Variants in ADGRV1 observed in about 807,000 individuals in gnomAD.
ADGRV1 encodes the protein G-protein coupled receptor 98.
Under a neutral mutation model 596.2 loss-of-function variants are expected in ADGRV1, and 359 were observed. The observed-to-expected ratio is 0.60, with a 90% CI of 0.55 to 0.66. The LOEUF is 0.66. Ranked by LOEUF, ADGRV1 falls within the 30% of genes least tolerant of loss-of-function variation. ADGRV1 has a pLI of 0.00. For missense variants in ADGRV1, 7,274 were observed against 7,575.6 expected (o/e 0.96, Z 1.48); for synonymous variants, 2,681 against 2,679.2 (o/e 1.00, Z -0.02).
chr5:91,014,175 CCCCT>C (rs1434844984), intron 85 of ADGRV1, among the ~76,000 whole-genome samples: 24 of 143,528 alleles, frequency 1.7e-4, no homozygotes, highest in Admixed American at 3.5e-4. Flanking sequence ...CACACACACA[CCCCT>C]AGACATACAG....
intron 78 of ADGRV1, among the ~76,000 whole-genome samples, chr5:90,848,392 T>A (rs1036647568): frequency 6.6e-6 from 1 of 152,142 alleles, no homozygotes; most frequent in Non-Finnish European, 1.5e-5. Context: ...CTTTATCTAA[T>A]GATTAAGTAG....
chr5:91,030,896 T>G, intron 85 of ADGRV1: 1 of 541,192 alleles, frequency 1.8e-6, no homozygotes, highest in Non-Finnish European at 3.1e-6. Context: ...CACAATTTCC[T>G]GAGATCTGTG....
At chr5:91,013,580 T>A (rs1285702820) in intron 85 of ADGRV1, among the ~76,000 whole-genome samples, 1 of 152,152 alleles carries the variant, frequency 6.6e-6, no homozygotes, top group African/African-American at 2.4e-5. Flanking sequence ...TCTTGTAAAT[T>A]TAAGTTCCTC....
At chr5:90,939,846 C>T (rs188765554) in intron 83 of ADGRV1, among the ~76,000 whole-genome samples, 1 of 152,114 alleles carries the variant, frequency 6.6e-6, no homozygotes, top group East Asian at 1.9e-4. Flanking sequence ...TTCTCTGTGG[C>T]CTCATGTGGA....
chr5:90,724,457 G>C lies in ADGRV1; in HGVS notation c.9749-375G>C, dbSNP rs919996826. ...TTGGCCAGGCTGGTCTCAAACTCTTGACCTCAAGTGATCCACCTACCTCGG... is the reference window on the plus strand; with the variant it reads ...TTGGCCAGGCTGGTCTCAAACTCTTCACCTCAAGTGATCCACCTACCTCGG... On this transcript the variant is annotated intron_variant, in intron 45 of 89. Coordinates refer to ENST00000405460, the MANE Select transcript of ADGRV1 (RefSeq NM_032119.4). Among the ~76,000 whole-genome samples, 3 of 152,174 alleles carry C rather than the reference G, an allele frequency of 2.0e-5. No homozygotes were observed. The East Asian group carries it at 5.8e-4, about 29-fold the overall frequency.
chr5:90,842,217 A>C lies in ADGRV1; in HGVS notation c.17019+1232A>C, dbSNP rs1420002840. Among the ~76,000 whole-genome samples, 3 of 152,202 alleles carry C rather than the reference A, an allele frequency of 2.0e-5. No individual in the cohort carries two copies. The East Asian group carries it at 5.8e-4, about 29-fold the overall frequency. On this transcript the variant is annotated intron_variant, in intron 78 of 89. Transcript: ENST00000405460. ...TTGGTTAAGAATCAACACTTATTTC[A>C]GTAGAGTTGTCAGATAGTACATCTT...
At chr5:90,763,145 TG>T in intron 58 of ADGRV1, 159 bp from the exon 59 acceptor site, 1 of 546,922 alleles carries the variant, frequency 1.8e-6, no homozygotes, top group Non-Finnish European at 3.1e-6. Flanking sequence ...GAATAGAAAG[TG>T]GGATTTGGTA....
chr5:91,016,408 T>A (rs192775812), intron 85 of ADGRV1, among the ~76,000 whole-genome samples: 1 of 152,000 alleles, frequency 6.6e-6, no homozygotes, highest in African/African-American at 2.4e-5. Flanking sequence ...CAGAGAAAAA[T>A]TACTTGTGAC....
intron 3 of ADGRV1, among the ~76,000 whole-genome samples, chr5:90,618,461 T>C (rs764085072): frequency 1.2e-4 from 18 of 152,210 alleles, no homozygotes; most frequent in Admixed American, 4.6e-4. Context: ...TGGTTGTTTT[T>C]TCTAAAGAAC....
chr5:90,828,047 G>A (rs955403403), intron 76 of ADGRV1, among the ~76,000 whole-genome samples: 3 of 152,150 alleles, frequency 2.0e-5, no homozygotes, highest in African/African-American at 7.2e-5. Flanking sequence ...AAGATTTGTG[G>A]ATGATTTTGT....
intron 48 of ADGRV1, among the ~76,000 whole-genome samples, chr5:90,726,484 T>TC (rs1751799647): frequency 1.3e-5 from 2 of 152,186 alleles, no homozygotes; most frequent in South Asian, 4.1e-4. Flanking sequence ...TGTCTTTACT[T>TC]CCCCGTGCTC....
chr5:90,701,173 A>G (rs954137043), intron 34 of ADGRV1, among the ~76,000 whole-genome samples: 3 of 152,080 alleles, frequency 2.0e-5, no homozygotes, highest in Non-Finnish European at 4.4e-5. Flanking sequence ...TCTGCCTTTC[A>G]TCTTGGGCAA....
intron 21 of ADGRV1, among the ~76,000 whole-genome samples, chr5:90,664,847 C>G (rs1327892959): frequency 6.8e-6 from 1 of 148,016 alleles, no homozygotes; most frequent in East Asian, 2.0e-4. Flanking sequence ...TTGTCAAAGG[C>G]CTTTTCTGTA....
At chr5:90,822,824 C>G (rs549268648) in intron 75 of ADGRV1, among the ~76,000 whole-genome samples, 1 of 152,254 alleles carries the variant, frequency 6.6e-6, no homozygotes, top group East Asian at 1.9e-4. Flanking sequence ...GTTTATAGTT[C>G]TCCTTGAAGA....
At position 90,853,269 on chromosome 5, in the gene ADGRV1, G is replaced by C. The variant is rs1468705109; in HGVS notation, c.17205-15G>C. 3.1e-6 allele frequency: 5 copies of C among 1,588,192 alleles called. No homozygotes were observed. The highest frequency in any genetic ancestry group is 4.3e-6 in the Non-Finnish European group (5 of 1,166,748). On this transcript the variant is annotated splice_polypyrimidine_tract_variant and intron_variant, in intron 79 of 89. Transcript: ENST00000405460. The stretch of plus-strand genomic sequence containing the variant: ...TACATGCCATTTTTACAGACCCTTT[G>C]CTTTTCTGTTGTAGAAGCAAAACCA...
At chr5:90,727,165 A>C (rs1254181857) in intron 48 of ADGRV1, among the ~76,000 whole-genome samples, 1 of 152,022 alleles carries the variant, frequency 6.6e-6, no homozygotes, top group Non-Finnish European at 1.5e-5. Context: ...ACAGGTCACT[A>C]TAGCCTTGAC....
chr5:90,676,894 A>G (rs984347701), intron 25 of ADGRV1: 1 of 152,200 alleles, frequency 6.6e-6, no homozygotes, highest in Non-Finnish European at 1.5e-5. Flanking sequence ...TCTGATTATC[A>G]AGGGTTATTG....
chr5:90,717,392 A>AAT (rs72502421), intron 43 of ADGRV1: 14 of 31,054 alleles, frequency 4.5e-4, no homozygotes, highest in Non-Finnish European at 7.6e-4. Flanking sequence ...AAAGTATAAT[A>AAT]AAAAAAAAAG....
intron 86 of ADGRV1, chr5:91,091,676 G>A (rs898118469): frequency 3.3e-5 from 5 of 152,182 alleles, no homozygotes; most frequent in African/African-American, 1.2e-4. Context: ...TATTTCAAAA[G>A]CCTGAGAGGC....
Sources: gnomAD v4.1 joint callset for allele counts (sites outside exome capture counted in the v4.1 genomes callset) on GRCh38, gnomAD v4.1.1 for gene constraint, MANE v1.5 for transcripts, NCBI Gene and HGNC (gene_info 2026-07-23, HGNC 2026-07-21) for gene names.